The following PMEPA1 variants were observed in gnomAD, a reference collection of about 807,000 sequenced individuals.
The protein encoded by PMEPA1 is protein TMEPAI.
A neutral mutation model predicts 23.0 loss-of-function variants in PMEPA1; 11 were observed. The ratio of observed to expected loss-of-function variants is 0.48; its 90% CI spans 0.30 to 0.79. The LOEUF (loss-of-function observed/expected upper bound fraction) is 0.79, where lower values mean the gene tolerates loss of function less well. PMEPA1 is among the 30% of genes least tolerant of loss of function. The pLI is 0.06. For missense variants in PMEPA1, 377 were observed against 390.9 expected, an observed-to-expected ratio of 0.96 and a Z score of 0.30; for synonymous variants, 204 against 166.4, an observed-to-expected ratio of 1.23 and a Z score of -1.74.
At position 57,704,056 on chromosome 20, in the gene PMEPA1, G is replaced by A. The variant is rs1293412774; in HGVS notation, c.109+5418C>T. Among the ~76,000 whole-genome samples the A allele has an allele frequency of 6.6e-6, 1 of 152,160 alleles. No homozygotes were observed. The highest frequency in any genetic ancestry group is 2.4e-5 in the African/African-American group (1 of 41,436). ...CCCACAGCAGGGCAGGTCACTTGATGAGACAGATGGGGTCTGCCAGCAGGT... is the reference window on the plus strand; with the variant it reads ...CCCACAGCAGGGCAGGTCACTTGATAAGACAGATGGGGTCTGCCAGCAGGT... On this transcript the variant is annotated intron_variant, in intron 1 of 3. Coordinates refer to ENST00000341744, the MANE Select transcript of PMEPA1 (RefSeq NM_020182.5). This position sits in a 1 kb window ranked among gnomAD's most constrained non-coding sequence, Gnocchi z 4.6.
intron 1 of PMEPA1, among the ~76,000 whole-genome samples, chr20:57,678,019 A>G (rs2071661567): frequency 6.6e-6 from 1 of 152,266 alleles, no homozygotes. Context: ...AATGGAGAAG[A>G]GATTAGTGGT....
chr20:57,700,569 T>C (rs1344356170), intron 1 of PMEPA1, among the ~76,000 whole-genome samples: 1 of 152,204 alleles, frequency 6.6e-6, no homozygotes, highest in Admixed American at 6.5e-5. Context: ...TTCTTGCTGA[T>C]GGTGAAGAGT....
chr20:57,685,121 C>T (rs1465161042), intron 1 of PMEPA1, among the ~76,000 whole-genome samples: 1 of 151,710 alleles, frequency 6.6e-6, no homozygotes, highest in Non-Finnish European at 1.5e-5. Context: ...CCATTTCCCC[C>T]GAGAACGTGC....
Position 57,709,932 on chromosome 20 carries a change from C to T in PMEPA1, c.-350G>A, listed in dbSNP as rs1213403339. ...CCGAGCGCCTCCGCCGCCGCCGCCG[C>T]CGCCGCCTCCTCCTCCTCATTCAAG... On this transcript the variant is annotated 5_prime_UTR_variant, in exon 1 of 4. Coordinates refer to ENST00000341744, the MANE Select transcript of PMEPA1 (RefSeq NM_020182.5). The T allele has an allele frequency of 1.3e-5, 13 of 1,011,596 alleles. No individual in the cohort carries two copies. Among genetic ancestry groups the T allele is most frequent in the Non-Finnish European group, 1.3e-5 (11 of 850,234 alleles). The allele number at this position is 1,011,596 out of a possible 1,614,324, so 62.7% of individuals were successfully genotyped here.
At chr20:57,709,258 G>A (rs1253833162) in intron 1 of PMEPA1, among the ~76,000 whole-genome samples, 2 of 149,116 alleles carry the variant, frequency 1.3e-5, no homozygotes, top group African/African-American at 2.4e-5. Flanking sequence ...GACAGCGGGG[G>A]CCGTGCCAGG....
Position 57,683,578 on chromosome 20 carries a change from T to TGTGC in PMEPA1, c.110-23882_110-23881insGCAC, listed in dbSNP as rs2071756889. ...GCGTGTGTGTGTGTGTGTGTGTGTG[T>TGTGC]GTGTGTTTCTTTTAAAAGTCTCTTC... On this transcript the variant is annotated intron_variant, in intron 1 of 3. Transcript: ENST00000341744. This position sits in a 1 kb window ranked among gnomAD's most constrained non-coding sequence, Gnocchi z 4.3. 1.3e-5 allele frequency among the ~76,000 whole-genome samples: 2 copies of TGTGC among 152,038 alleles called. No individual in the cohort carries two copies. The highest frequency in any genetic ancestry group is 6.6e-5 in the Admixed American group (1 of 15,262).
Position 57,655,842 on chromosome 20 carries a change from T to C in PMEPA1, c.265-2756A>G, listed in dbSNP as rs749184388. ...CCATAAAGAGCCAGAGAGTAAAATATTTTCTGGTTTGTGGGCCGGCGGGTC... is the reference window on the plus strand; with the variant it reads ...CCATAAAGAGCCAGAGAGTAAAATACTTTCTGGTTTGTGGGCCGGCGGGTC... On this transcript the variant is annotated intron_variant, in intron 2 of 3. Coordinates refer to ENST00000341744, the MANE Select transcript of PMEPA1 (RefSeq NM_020182.5). The surrounding 1 kb of genome is among the most constrained non-coding windows in gnomAD (Gnocchi z 4.2). Among the ~76,000 whole-genome samples, 2 of 152,190 alleles carry C rather than the reference T, an allele frequency of 1.3e-5. No homozygotes were observed. The highest frequency in any genetic ancestry group is 2.4e-5 in the African/African-American group (1 of 41,456).
chr20:57,679,425 A>G (rs2071681251), intron 1 of PMEPA1, among the ~76,000 whole-genome samples: 1 of 152,210 alleles, frequency 6.6e-6, no homozygotes, highest in Non-Finnish European at 1.5e-5. Context: ...CGTGAACTTG[A>G]AACGATTCAG....
At chr20:57,658,128 C>T (rs929236953) in intron 2 of PMEPA1, among the ~76,000 whole-genome samples, 6 of 152,212 alleles carry the variant, frequency 3.9e-5, no homozygotes, top group Non-Finnish European at 7.3e-5. Flanking sequence ...CCGTCAGAGG[C>T]GGGCAAGTTC....
chr20:57,677,496 G>A (rs1190836812), intron 1 of PMEPA1, among the ~76,000 whole-genome samples: 1 of 152,184 alleles, frequency 6.6e-6, no homozygotes, highest in Non-Finnish European at 1.5e-5. Flanking sequence ...GACACAAGAA[G>A]TGGCCCTCGA....
chr20:57,688,985 G>C (rs550491542), intron 1 of PMEPA1, among the ~76,000 whole-genome samples: 5 of 152,222 alleles, frequency 3.3e-5, no homozygotes, highest in African/African-American at 1.2e-4. Flanking sequence ...CTGGGCCTTC[G>C]ATCCCCGCTG....
At chr20:57,659,756 G>C in intron 1 of PMEPA1, 59 bp from the exon 2 acceptor site, 1 of 1,499,676 alleles carries the variant, frequency 6.7e-7, no homozygotes, top group Non-Finnish European at 9.0e-7. Flanking sequence ...CTGTGCTCAG[G>C]GCTCAGCCCT....
At chr20:57,700,706 A>C (rs950227617) in intron 1 of PMEPA1, among the ~76,000 whole-genome samples, 1 of 152,200 alleles carries the variant, frequency 6.6e-6, no homozygotes, top group Non-Finnish European at 1.5e-5. Context: ...GCCCACTGAA[A>C]CAATAACAAA....
At chr20:57,680,010 T>G (rs1293595589) in intron 1 of PMEPA1, among the ~76,000 whole-genome samples, 1 of 151,980 alleles carries the variant, frequency 6.6e-6, no homozygotes, top group Non-Finnish European at 1.5e-5. Context: ...CTGGTGGGAG[T>G]GAGGGTCACA....
At chr20:57,674,744 G>A (rs879450969) in intron 1 of PMEPA1, among the ~76,000 whole-genome samples, 2 of 152,118 alleles carry the variant, frequency 1.3e-5, no homozygotes, top group Non-Finnish European at 2.9e-5. Flanking sequence ...CTGCGGCAGC[G>A]CATATATTTA....
chr20:57,669,775 C>T (rs960993663), intron 1 of PMEPA1, among the ~76,000 whole-genome samples: 5 of 151,924 alleles, frequency 3.3e-5, no homozygotes, highest in South Asian at 2.1e-4. Flanking sequence ...GTGGGTCCCT[C>T]GAGGAGGGAC....
intron 1 of PMEPA1, among the ~76,000 whole-genome samples, chr20:57,708,128 C>T (rs931722813): frequency 1.3e-5 from 2 of 152,250 alleles, no homozygotes; most frequent in Admixed American, 6.5e-5. Context: ...ACTGTATAGG[C>T]TCAGGGGCCA....
Position 57,651,854 on chromosome 20 carries a change from C to CTT in PMEPA1, c.*197_*198dup, listed in dbSNP as rs571898181. 2.9e-4 allele frequency: 77 copies of CTT among 263,770 alleles called. No individual in the cohort carries two copies. The South Asian group carries it at 3.8e-3, about 13-fold the overall frequency. 16.3% of individuals were successfully genotyped at this position (263,770 alleles called of 1,614,324 possible). On this transcript the variant is annotated 3_prime_UTR_variant, in exon 4 of 4. Coordinates refer to ENST00000341744, the MANE Select transcript of PMEPA1 (RefSeq NM_020182.5). ...AACGTGGTTTTTTTTTTTCTTTTTT[C>CTT]TTTTTTTTTTTGCAAGCTCTCTTAG... is the stretch of plus-strand genomic sequence containing the variant.
intron 1 of PMEPA1, among the ~76,000 whole-genome samples, chr20:57,665,198 A>G (rs2071475707): frequency 6.6e-6 from 1 of 152,176 alleles, no homozygotes; most frequent in Admixed American, 6.5e-5. Context: ...AGCCTCCCCA[A>G]TTTAGGTAAC....
Sources: gnomAD v4.1 joint callset for allele counts (sites outside exome capture counted in the v4.1 genomes callset) on GRCh38, gnomAD v4.1.1 for gene constraint, Gnocchi (gnomAD v3.1) non-coding constraint, MANE v1.5 for transcripts, NCBI Gene and HGNC (gene_info 2026-07-23, HGNC 2026-07-21) for gene names.